ADGRE3: variants seen among roughly 807,000 people sequenced by gnomAD.
ADGRE3 encodes the protein EGF-like module receptor 3.
ADGRE3 carries 88 observed loss-of-function variants against 80.1 expected under a neutral mutation model. The ratio of observed to expected loss-of-function variants is 1.10; its 90% CI spans 0.93 to 1.31. The LOEUF is 1.31. Among genes scored for constraint, ADGRE3 ranks in the 40% most tolerant of loss-of-function variants. ADGRE3 has a pLI of 0.00. For synonymous variants in ADGRE3, 281 were observed against 294.8 expected (o/e 0.95, Z 0.48); for missense variants, 715 against 776.5 (o/e 0.92, Z 0.94).
At chr19:14,635,374 G>T in intron 11 of ADGRE3, among the ~76,000 whole-genome samples, 1 of 151,758 alleles carries the variant, frequency 6.6e-6, no homozygotes. Context: ...CAAAGTGCTG[G>T]GGTTACAGGC....
intron 5 of ADGRE3, among the ~76,000 whole-genome samples, chr19:14,657,559 T>TAC (rs1309372455): frequency 6.6e-6 from 1 of 151,352 alleles, no homozygotes; most frequent in African/African-American, 2.4e-5. Context: ...TATATCTATA[T>TAC]ATATATATAA....
the ADGRE3 span, among the ~76,000 whole-genome samples, chr19:14,606,354 G>T: frequency 6.8e-6 from 1 of 146,020 alleles, no homozygotes; most frequent in Non-Finnish European, 1.5e-5. Flanking sequence ...CAGTCTGGTT[G>T]ACAGAGTGAG....
chr19:14,633,263 G>T lies in ADGRE3; in HGVS notation c.1524C>A (p.Phe508Leu). ...LHLDQGFMWS[F>L]LGPVCAIFSA... ...AGAAAATGGCACAGACTGGGCCAAG[G>T]AAACTCCACATGAATCCCTGGTCCA... Residue 508 changes from phenylalanine (F) to leucine (L), a missense_variant, in exon 12 of 16, where the codon TTC becomes TTA. By Grantham distance (22) the Phe-to-Leu change is conservative (BLOSUM62 0). Transcript: ENST00000253673. 6.2e-7 allele frequency: 1 copy of T among 1,612,844 alleles called. No individual in the cohort carries two copies. Among genetic ancestry groups the T allele is most frequent in the Non-Finnish European group, 8.5e-7 (1 of 1,179,308 alleles).
intron 11 of ADGRE3, among the ~76,000 whole-genome samples, chr19:14,634,681 C>T (rs1006743535): frequency 1.3e-5 from 2 of 152,118 alleles, no homozygotes; most frequent in South Asian, 4.1e-4. Context: ...AATGAGGGGA[C>T]TGAGACTGGA....
chr19:14,637,048 C>T (rs541279695), intron 11 of ADGRE3, among the ~76,000 whole-genome samples: 95 of 152,008 alleles, frequency 6.2e-4, no homozygotes, highest in Admixed American at 1.1e-3. Context: ...GAGCCAAGAC[C>T]GTGCCATTGG....
intron 4 of ADGRE3, 73 bp from the exon 5 acceptor site, chr19:14,658,623 A>G: frequency 8.6e-7 from 1 of 1,158,338 alleles, no homozygotes; most frequent in Non-Finnish European, 1.2e-6. Context: ...CAGGTGGGGT[A>G]AGTAATGGGG....
intron 5 of ADGRE3, among the ~76,000 whole-genome samples, chr19:14,655,425 T>C (rs1849095338): frequency 6.6e-6 from 1 of 152,098 alleles, no homozygotes; most frequent in Non-Finnish European, 1.5e-5. Context: ...TAGGACAGTG[T>C]CTGTATCTGG....
intron 9 of ADGRE3, among the ~76,000 whole-genome samples, chr19:14,643,698 G>A (rs1321646862): frequency 2.0e-5 from 3 of 151,708 alleles, no homozygotes; most frequent in South Asian, 2.1e-4. Flanking sequence ...CTTACCTTGC[G>A]TCTTTTCCAC....
Position 14,668,848 on chromosome 19 carries a change from G to A in ADGRE3, c.30C>T (p.Leu10=). 1 of 1,614,096 alleles carries A rather than the reference G, an allele frequency of 6.2e-7. No homozygotes were observed. Among genetic ancestry groups the A allele is most frequent in the Non-Finnish European group, 8.5e-7 (1 of 1,179,974 alleles). The change falls in exon 2 of 16, where the codon CTC becomes CTT. Residue 10 remains leucine (L), a synonymous_variant. Transcript: ENST00000253673. ...CTCCAAAGAGGCTCAGCAGAAAGCAGAGGCCTGGAATAGATGGGAAACAGA... is the reference window on the plus strand; with the variant it reads ...CTCCAAAGAGGCTCAGCAGAAAGCAAAGGCCTGGAATAGATGGGAAACAGA... MQGPLLLPG[L]CFLLSLFGAV...
the ADGRE3 span, among the ~76,000 whole-genome samples, chr19:14,612,683 A>C: frequency 6.6e-6 from 1 of 152,088 alleles, no homozygotes; most frequent in Non-Finnish European, 1.5e-5. Flanking sequence ...CCATATTAGG[A>C]GGTCCTGGGA....
rs71339252 is a variant in ADGRE3 at position 14,657,744 on chromosome 19, TA to T, written c.393+768del. 1.0e-3 allele frequency among the ~76,000 whole-genome samples: 42 copies of T among 41,740 alleles called. No individual in the cohort carries two copies. In the South Asian group the frequency reaches 0.023, roughly 23 times the overall value. 27.4% of individuals were successfully genotyped at this position (41,740 alleles called of 152,430 possible). On this transcript the variant is annotated intron_variant, in intron 5 of 15. Transcript: ENST00000253673. ...GCCTATATATACATATATATATATA[TA>T]TTTTTTTGTTTGTTTGTTTGTTTTG...
intron 1 of ADGRE3, among the ~76,000 whole-genome samples, chr19:14,671,546 A>G (rs1972257471): frequency 6.6e-6 from 1 of 152,070 alleles, no homozygotes; most frequent in African/African-American, 2.4e-5. Context: ...ACATCTGCAA[A>G]GTTTCTTTTA....
Position 14,645,373 on chromosome 19 carries a change from T to C in ADGRE3, c.883-1098A>G, listed in dbSNP as rs184875244. On this transcript the variant is annotated intron_variant, in intron 8 of 15. Transcript: ENST00000253673. ...TGAGGAGAGAGAATAAAATGAGCCTTTGAAGCCGGGCACAGTGGCTCATGA... is the reference window on the plus strand; with the variant it reads ...TGAGGAGAGAGAATAAAATGAGCCTCTGAAGCCGGGCACAGTGGCTCATGA... 4.3e-3 allele frequency among the ~76,000 whole-genome samples: 649 copies of C among 152,244 alleles called. 8 individuals carry two copies. The highest frequency in any genetic ancestry group is 0.015 in the African/African-American group (626 of 41,558).
intron 11 of ADGRE3, 123 bp downstream of exon 11, chr19:14,637,982 G>T (rs150975786): frequency 3.4e-5 from 24 of 709,902 alleles, no homozygotes; most frequent in Non-Finnish European, 5.4e-5. Context: ...AAAGAGGTTA[G>T]AGCTGTTATA....
intron 2 of ADGRE3, among the ~76,000 whole-genome samples, chr19:14,666,847 G>A (rs1972119847): frequency 6.6e-6 from 1 of 152,120 alleles, no homozygotes; most frequent in Non-Finnish European, 1.5e-5. Flanking sequence ...TTCAGAGTGA[G>A]CTCTGAAAGT....
At chr19:14,659,518 T>C (rs1219517861) in intron 4 of ADGRE3, among the ~76,000 whole-genome samples, 3 of 152,050 alleles carry the variant, frequency 2.0e-5, no homozygotes, top group African/African-American at 7.2e-5. Flanking sequence ...TTTCTGTGCT[T>C]AGTGAGGACA....
At chr19:14,659,359 C>T (rs1599646128) in intron 4 of ADGRE3, among the ~76,000 whole-genome samples, 1 of 152,208 alleles carries the variant, frequency 6.6e-6, no homozygotes, top group East Asian at 1.9e-4. Context: ...TTCTTTTATT[C>T]CATCTTGACT....
intron 14 of ADGRE3, among the ~76,000 whole-genome samples, chr19:14,626,237 C>G (rs914947598): frequency 3.9e-5 from 6 of 151,912 alleles, no homozygotes; most frequent in Admixed American, 2.0e-4. Context: ...GAGATTGAGA[C>G]CATTCTGGCT....
chr19:14,648,184 A>G (rs1458858048), intron 7 of ADGRE3, among the ~76,000 whole-genome samples: 2 of 152,012 alleles, frequency 1.3e-5, no homozygotes, highest in Non-Finnish European at 2.9e-5. Context: ...AATGAATAAT[A>G]ATCTATTTCT....
Sources: gnomAD v4.1 joint callset for allele counts (sites outside exome capture counted in the v4.1 genomes callset) on GRCh38, gnomAD v4.1.1 for gene constraint, MANE v1.5 for transcripts, NCBI Gene and HGNC (gene_info 2026-07-23, HGNC 2026-07-21) for gene names.